The following MYRIP variants were observed in gnomAD, a reference collection of about 807,000 sequenced individuals.
MYRIP encodes rab effector MyRIP.
A neutral mutation model predicts 98.0 loss-of-function variants in MYRIP; 49 were observed. The ratio of observed to expected loss-of-function variants is 0.50; its 90% CI spans 0.40 to 0.63. The LOEUF (loss-of-function observed/expected upper bound fraction) is 0.63, where lower values mean the gene tolerates loss of function less well. MYRIP is among the 30% of genes least tolerant of loss of function. MYRIP has a pLI of 0.00. For missense variants in MYRIP, 1,004 were observed against 1,058.2 expected (o/e 0.95, Z 0.71); for synonymous variants, 404 against 409.5 (o/e 0.99, Z 0.16).
Position 40,201,960 on chromosome 3 carries a change from C to T in MYRIP, c.1666-7894C>T, listed in dbSNP as rs72856994. Among the ~76,000 whole-genome samples, 1,231 of 152,264 alleles carry T rather than the reference C, an allele frequency of 8.1e-3. 17 individuals are homozygous for T. The highest frequency in any genetic ancestry group is 0.026 in the African/African-American group (1,087 of 41,540). On this transcript the variant is annotated intron_variant, in intron 10 of 16. Coordinates refer to ENST00000302541, the MANE Select transcript of MYRIP (RefSeq NM_015460.4). ...TCAGCAGCAGAGTCCAGCAGCCCCA[C>T]GGCTCATCCACTTGCCTCCACCCTC...
chr3:40,226,020 G>A (rs1024245904), intron 11 of MYRIP, among the ~76,000 whole-genome samples: 8 of 152,244 alleles, frequency 5.3e-5, no homozygotes, highest in Admixed American at 2.0e-4. Context: ...AGGAGGACTG[G>A]AGGGCCCCAT....
chr3:40,166,561 G>C lies in MYRIP; in HGVS notation c.551-285G>C, dbSNP rs80087312. On this transcript the variant is annotated intron_variant, in intron 5 of 16. Transcript: ENST00000302541. The stretch of plus-strand genomic sequence containing the variant: ...GAGGAATTTTTGGGCCAAGCCTTGG[G>C]GTCCGTGGGAACCAGCTCAGTTATG... Among the ~76,000 whole-genome samples the C allele has an allele frequency of 5.8e-3, 879 of 152,218 alleles. 29 individuals are homozygous for C. The East Asian group carries it at 0.11, about 19-fold the overall frequency.
intron 3 of MYRIP, among the ~76,000 whole-genome samples, chr3:40,122,778 A>G (rs2125912201): frequency 6.6e-6 from 1 of 152,128 alleles, no homozygotes; most frequent in East Asian, 1.9e-4. Flanking sequence ...TAATAAATTA[A>G]TGCCATGTTG....
intron 3 of MYRIP, among the ~76,000 whole-genome samples, chr3:40,113,768 C>T (rs1949211602): frequency 6.6e-6 from 1 of 152,190 alleles, no homozygotes; most frequent in South Asian, 2.1e-4. Context: ...TGGCTCACTG[C>T]AAGCTCCACC....
chr3:40,029,515 A>G (rs1322079049), intron 2 of MYRIP, among the ~76,000 whole-genome samples: 1 of 152,194 alleles, frequency 6.6e-6, no homozygotes, highest in Non-Finnish European at 1.5e-5. Context: ...TCATGAACAG[A>G]TGTTTATGAT....
intron 1 of MYRIP, among the ~76,000 whole-genome samples, chr3:39,887,459 C>G (rs1216198085): frequency 6.6e-6 from 1 of 151,650 alleles, no homozygotes; most frequent in Non-Finnish European, 1.5e-5. Context: ...TAATAAAGGC[C>G]TTTGACAAAA....
intron 3 of MYRIP, among the ~76,000 whole-genome samples, chr3:40,112,133 T>C (rs888605032): frequency 6.6e-6 from 1 of 152,122 alleles, no homozygotes; most frequent in Non-Finnish European, 1.5e-5. Context: ...CCTGCATTGC[T>C]TCTGTGCACC....
intron 4 of MYRIP, among the ~76,000 whole-genome samples, chr3:40,154,529 C>A (rs1950180323): frequency 6.6e-6 from 1 of 152,066 alleles, no homozygotes; most frequent in Admixed American, 6.6e-5. Flanking sequence ...CTCTAATAGA[C>A]CCAGCATGAC....
intron 1 of MYRIP, among the ~76,000 whole-genome samples, chr3:39,853,014 T>C (rs1942184487): frequency 6.6e-6 from 1 of 152,222 alleles, no homozygotes; most frequent in Admixed American, 6.5e-5. Context: ...ACTCCTGACC[T>C]CAAGTGATCT....
At chr3:39,908,900 G>T (rs1943947445) in intron 2 of MYRIP, among the ~76,000 whole-genome samples, 1 of 152,294 alleles carries the variant, frequency 6.6e-6, no homozygotes, top group East Asian at 1.9e-4. Flanking sequence ...GAGTGCATTT[G>T]CCTGAGGTCT....
intron 2 of MYRIP, among the ~76,000 whole-genome samples, chr3:39,999,075 C>A (rs1462471398): frequency 2.6e-5 from 4 of 152,160 alleles, no homozygotes; most frequent in East Asian, 1.9e-4. Context: ...CATAAAAACC[C>A]TAGAAGAAAA....
At chr3:40,100,243 C>T (rs1426560284) in intron 3 of MYRIP, 2 of 985,276 alleles carry the variant, frequency 2.0e-6, no homozygotes, top group Non-Finnish European at 2.4e-6. Context: ...AGAAAACCAC[C>T]AGTTACGGTA....
chr3:39,951,375 A>G (rs1945010863), intron 2 of MYRIP, among the ~76,000 whole-genome samples: 1 of 152,046 alleles, frequency 6.6e-6, no homozygotes. Flanking sequence ...AGTTGGGAGT[A>G]TTTTTTTCAA....
intron 3 of MYRIP, among the ~76,000 whole-genome samples, chr3:40,141,302 G>T (rs1156580591): frequency 2.6e-5 from 4 of 152,080 alleles, no homozygotes; most frequent in Non-Finnish European, 4.4e-5. Flanking sequence ...TAATTGGATT[G>T]TTTGTTTTTT....
At chr3:40,139,289 T>C (rs1192393701) in intron 3 of MYRIP, among the ~76,000 whole-genome samples, 1 of 152,204 alleles carries the variant, frequency 6.6e-6, no homozygotes, top group Non-Finnish European at 1.5e-5. Context: ...GTTGCATCCA[T>C]TTTAAGTGTA....
intron 1 of MYRIP, among the ~76,000 whole-genome samples, chr3:39,857,783 T>C (rs553420846): frequency 1.2e-4 from 18 of 152,156 alleles, no homozygotes; most frequent in South Asian, 2.1e-4. Flanking sequence ...ATAGTTATTA[T>C]ATATGATCAA....
intron 3 of MYRIP, among the ~76,000 whole-genome samples, chr3:40,086,644 A>G (rs755007774): frequency 1.9e-4 from 29 of 152,206 alleles, no homozygotes; most frequent in Non-Finnish European, 3.4e-4. Context: ...CAACCCTATC[A>G]GCAGGCATTC....
intron 2 of MYRIP, among the ~76,000 whole-genome samples, chr3:39,967,777 T>A (rs1272289353): frequency 6.6e-6 from 1 of 152,200 alleles, no homozygotes; most frequent in African/African-American, 2.4e-5. Flanking sequence ...ATAACCATTC[T>A]GATAGGCATG....
chr3:39,899,573 A>G (rs540223609), intron 1 of MYRIP, among the ~76,000 whole-genome samples: 3 of 152,270 alleles, frequency 2.0e-5, no homozygotes, highest in African/African-American at 7.2e-5. Context: ...TTAAGATTAT[A>G]TCTGAAGCAT....
Sources: gnomAD v4.1 joint callset for allele counts (sites outside exome capture counted in the v4.1 genomes callset) on GRCh38, gnomAD v4.1.1 for gene constraint, MANE v1.5 for transcripts, NCBI Gene and HGNC (gene_info 2026-07-23, HGNC 2026-07-21) for gene names.